Variants in KCNG2 observed in about 807,000 individuals in gnomAD.
The protein encoded by KCNG2 is voltage-gated potassium channel regulatory subunit KCNG2.
A neutral mutation model predicts 12.3 loss-of-function variants in KCNG2; 7 were observed. The observed-to-expected ratio is 0.57, with a 90% CI of 0.32 to 1.07. The LOEUF is 1.07. Ranked by LOEUF, KCNG2 falls within the 50% of genes least tolerant of loss-of-function variation. The probability of loss-of-function intolerance (pLI) is 0.04; values close to 1 mark genes in which losing one functional copy is unlikely to be tolerated. For synonymous variants in KCNG2, 414 were observed against 351.4 expected (o/e 1.18, Z -1.99); for missense variants, 703 against 726.0 (o/e 0.97, Z 0.36).
rs191199426 is a variant in KCNG2, at chr18:79,839,481, G to A, written c.-114-16898G>A. ...TTTGACAGCCCAGATCTACTGGACC[G>A]ATTCCTTGGAAAATACACACTACCA... On this transcript the variant is annotated intron_variant, in intron 1 of 3. Transcript: ENST00000316249. Among the ~76,000 whole-genome samples the A allele has an allele frequency of 5.9e-5, 9 of 152,282 alleles. No individual in the cohort carries two copies. The East Asian group carries it at 1.4e-3, about 23-fold the overall frequency.
chr18:79,852,010 T>G (rs1224692735), intron 1 of KCNG2, among the ~76,000 whole-genome samples: 2 of 152,252 alleles, frequency 1.3e-5, no homozygotes, highest in Non-Finnish European at 2.9e-5. Context: ...AGTCGGTTTT[T>G]CAGGGCTGTT....
chr18:79,815,183 A>T (rs1370838850), intron 1 of KCNG2, among the ~76,000 whole-genome samples: 1 of 152,182 alleles, frequency 6.6e-6, no homozygotes, highest in Non-Finnish European at 1.5e-5. Context: ...TCACGCCTGT[A>T]ATCCTAACAA....
intron 1 of KCNG2, among the ~76,000 whole-genome samples, chr18:79,821,937 G>A (rs1372865359): frequency 1.3e-5 from 2 of 152,118 alleles, no homozygotes; most frequent in Non-Finnish European, 2.9e-5. Context: ...TGAATTTTAG[G>A]ACGGGCTTTT....
intron 1 of KCNG2, among the ~76,000 whole-genome samples, chr18:79,828,616 GTC>G (rs1292021961): frequency 6.6e-6 from 1 of 151,514 alleles, no homozygotes; most frequent in African/African-American, 2.4e-5. Context: ...TGTGTAACGT[GTC>G]TATGATGTGT....
intron 3 of KCNG2, among the ~76,000 whole-genome samples, chr18:79,873,847 G>A (rs1979962168): frequency 6.6e-6 from 1 of 152,200 alleles, no homozygotes; most frequent in Admixed American, 6.5e-5. Flanking sequence ...GAAGGCAGCA[G>A]CTGCGGTGTC....
chr18:79,811,032 T>A (rs1599365182), intron 1 of KCNG2, among the ~76,000 whole-genome samples: 1 of 152,202 alleles, frequency 6.6e-6, no homozygotes, highest in Middle Eastern at 3.4e-3. Flanking sequence ...ACCAAAGAGG[T>A]GTAAGACTTG....
At chr18:79,814,499 ACT>A (rs1466611825) in intron 1 of KCNG2, among the ~76,000 whole-genome samples, 1 of 151,990 alleles carries the variant, frequency 6.6e-6, no homozygotes, top group Non-Finnish European at 1.5e-5. Flanking sequence ...AAATAATCAG[ACT>A]CTGCCATTCC....
intron 3 of KCNG2, among the ~76,000 whole-genome samples, chr18:79,867,823 C>G (rs1182433623): frequency 6.6e-6 from 1 of 152,050 alleles, no homozygotes; most frequent in Non-Finnish European, 1.5e-5. Flanking sequence ...GCGTGGAGAC[C>G]CCTCCACCCC....
chr18:79,844,179 A>G (rs1001248033), intron 1 of KCNG2, among the ~76,000 whole-genome samples: 1 of 152,206 alleles, frequency 6.6e-6, no homozygotes, highest in Non-Finnish European at 1.5e-5. Flanking sequence ...CCATTCATGG[A>G]TGAGTGGCTG....
intron 1 of KCNG2, among the ~76,000 whole-genome samples, chr18:79,825,991 G>A (rs1428230435): frequency 6.6e-6 from 1 of 152,240 alleles, no homozygotes; most frequent in Non-Finnish European, 1.5e-5. Flanking sequence ...GCTGTGTCCA[G>A]GGCATGACCC....
chr18:79,822,060 A>G lies in KCNG2; in HGVS notation c.-115+24046A>G, dbSNP rs992109491. Among the ~76,000 whole-genome samples the G allele has an allele frequency of 6.6e-6, 1 of 152,204 alleles. No homozygotes were observed. The highest frequency in any genetic ancestry group is 2.4e-5 in the African/African-American group (1 of 41,456). ...CCCAGCACTGATATTTGGGGCTGGGATGTGAAGGCTTCAGTAAAACTTGTC... is the reference window on the plus strand; with the variant it reads ...CCCAGCACTGATATTTGGGGCTGGGGTGTGAAGGCTTCAGTAAAACTTGTC... On this transcript the variant is annotated intron_variant, in intron 1 of 3. Transcript: ENST00000316249. This position sits in a 1 kb window ranked among gnomAD's most constrained non-coding sequence, Gnocchi z 4.4.
At chr18:79,811,245 A>G (rs984577139) in intron 1 of KCNG2, among the ~76,000 whole-genome samples, 14 of 152,266 alleles carry the variant, frequency 9.2e-5, no homozygotes, top group African/African-American at 3.4e-4. Flanking sequence ...ATTCATATGG[A>G]ATTACAAGGG....
At chr18:79,877,907 C>T (rs1309748648) in intron 3 of KCNG2, among the ~76,000 whole-genome samples, 44 of 152,256 alleles carry the variant, frequency 2.9e-4, no homozygotes, top group Admixed American at 2.8e-3. Context: ...CAGCCTGGCC[C>T]CACTCCATCC....
intron 1 of KCNG2, among the ~76,000 whole-genome samples, chr18:79,813,936 T>A (rs1458517362): frequency 6.6e-6 from 1 of 152,200 alleles, no homozygotes; most frequent in South Asian, 2.1e-4. Context: ...CAGTTAGACA[T>A]GTACAAGATG....
At chr18:79,807,238 G>A (rs2087456372) in intron 1 of KCNG2, among the ~76,000 whole-genome samples, 1 of 152,214 alleles carries the variant, frequency 6.6e-6, no homozygotes, top group Admixed American at 6.5e-5. Flanking sequence ...TCGTCGCGTA[G>A]TCTGATGTTT....
chr18:79,857,064 G>GCCACC (rs1979038492), intron 2 of KCNG2, among the ~76,000 whole-genome samples: 1 of 55,232 alleles, frequency 1.8e-5, no homozygotes, highest in Non-Finnish European at 4.0e-5. Flanking sequence ...CCCCACAGCC[G>GCCACC]CCCCCACAGC....
At chr18:79,878,264 C>T (rs542386967) in intron 3 of KCNG2, among the ~76,000 whole-genome samples, 14 of 151,984 alleles carry the variant, frequency 9.2e-5, no homozygotes, top group African/African-American at 3.1e-4. Flanking sequence ...GTGCAGAGGG[C>T]GCCTGATGCC....
At chr18:79,898,651 G>T (rs1235381742) in intron 3 of KCNG2, among the ~76,000 whole-genome samples, 3 of 152,248 alleles carry the variant, frequency 2.0e-5, no homozygotes, top group African/African-American at 7.2e-5. Flanking sequence ...CTGAGAAGGA[G>T]GATGCAGTCT....
intron 2 of KCNG2, among the ~76,000 whole-genome samples, chr18:79,857,948 A>AAC (rs1476496218): frequency 4.6e-5 from 7 of 152,126 alleles, no homozygotes; most frequent in Non-Finnish European, 7.4e-5. Flanking sequence ...CATCCTCTGG[A>AAC]ACCCCCTTGC....
Sources: allele counts gnomAD v4.1 joint callset (sites outside exome capture counted in the v4.1 genomes callset), GRCh38; gene constraint gnomAD v4.1.1; non-coding constraint Gnocchi (gnomAD v3.1); transcripts MANE v1.5; gene names NCBI Gene and HGNC (gene_info 2026-07-23, HGNC 2026-07-21).